Variants in CBX1 observed in about 807,000 individuals in gnomAD.
CBX1 encodes chromobox 1, also known as chromobox protein homolog 1.
CBX1 carries 10 observed loss-of-function variants against 25.1 expected under a neutral mutation model. The ratio of observed to expected loss-of-function variants is 0.40; its 90% CI spans 0.25 to 0.68. The LOEUF (loss-of-function observed/expected upper bound fraction) is 0.68. Among genes scored for constraint, CBX1 ranks in the 30% least tolerant of loss-of-function variants. The pLI is 0.40. For synonymous variants in CBX1, 63 were observed against 79.4 expected (o/e 0.79, Z 1.10); for missense variants, 106 against 218.5 (o/e 0.49, Z 3.25).
chr17:48,092,027 G>A (rs1397796027), intron 1 of CBX1, among the ~76,000 whole-genome samples: 32 of 99,290 alleles, frequency 3.2e-4, no homozygotes, highest in Non-Finnish European at 7.4e-5. Context: ...TTTCACTCTT[G>A]TCACCCAGGC....
intron 4 of CBX1, among the ~76,000 whole-genome samples, chr17:48,072,569 C>G (rs1200911034): frequency 6.6e-6 from 1 of 151,586 alleles, no homozygotes; most frequent in East Asian, 2.0e-4. Context: ...AGGTGGATCA[C>G]GAGGTCAGAT....
chr17:48,078,444 G>A (rs557791282), intron 1 of CBX1, among the ~76,000 whole-genome samples: 3 of 151,990 alleles, frequency 2.0e-5, no homozygotes, highest in South Asian at 2.1e-4. Context: ...CGCCTGCCTC[G>A]GCCTCCCAAA....
intron 1 of CBX1, among the ~76,000 whole-genome samples, chr17:48,081,224 C>T (rs948269389): frequency 2.0e-5 from 3 of 151,252 alleles, no homozygotes; most frequent in Non-Finnish European, 4.4e-5. Flanking sequence ...AAAAATAAAA[C>T]AGCACTGACT....
chr17:48,093,070 CAAAAAAAAAAAAA>C (rs748778471), intron 1 of CBX1, among the ~76,000 whole-genome samples: 1 of 8,746 alleles, frequency 1.1e-4, no homozygotes. Flanking sequence ...AACTCTGTCT[CAAAAAAAAAAAAA>C]AAAAAAGAAA....
At chr17:48,076,294 G>C (rs752021253) in intron 2 of CBX1, 116 bp from the exon 3 acceptor site, 150 of 743,786 alleles carry the variant, frequency 2.0e-4, no homozygotes, top group Non-Finnish European at 2.9e-4. Flanking sequence ...AATTCTTGGG[G>C]AATGGGGAAG....
chr17:48,071,945 C>T (rs1258857793), intron 4 of CBX1, among the ~76,000 whole-genome samples: 1 of 151,966 alleles, frequency 6.6e-6, no homozygotes, highest in Non-Finnish European at 1.5e-5. Context: ...CTCCAAAAGC[C>T]ATATCCCAGC....
At chr17:48,078,574 C>G (rs1279896703) in intron 1 of CBX1, among the ~76,000 whole-genome samples, 1 of 152,010 alleles carries the variant, frequency 6.6e-6, no homozygotes, top group African/African-American at 2.4e-5. Flanking sequence ...ACTGCAACCT[C>G]TGCCTCCCGG....
intron 4 of CBX1, among the ~76,000 whole-genome samples, 180 bp from the exon 5 acceptor site, chr17:48,071,759 T>A (rs964344446): frequency 6.6e-6 from 1 of 152,220 alleles, no homozygotes; most frequent in African/African-American, 2.4e-5. Context: ...TCCTCAGAGT[T>A]AACTCTCCTG....
At chr17:48,093,329 A>G (rs1159481615) in intron 1 of CBX1, among the ~76,000 whole-genome samples, 1 of 151,972 alleles carries the variant, frequency 6.6e-6, no homozygotes, top group Admixed American at 6.6e-5. Context: ...CTCGAAAAAA[A>G]TTTACAAAAA....
At chr17:48,099,956 C>T (rs1040226319) in intron 1 of CBX1, among the ~76,000 whole-genome samples, 1 of 151,546 alleles carries the variant, frequency 6.6e-6, no homozygotes, top group African/African-American at 2.4e-5. Flanking sequence ...GTGACCAGTA[C>T]GGTGAAACCC....
intron 1 of CBX1, among the ~76,000 whole-genome samples, chr17:48,087,884 AAAAAAAGAAAACAG>A (rs1567767869): frequency 6.6e-6 from 1 of 151,714 alleles, no homozygotes; most frequent in East Asian, 1.9e-4. Flanking sequence ...AAAAAAAAAA[AAAAAAAGAAAACAG>A]AAAAAAGAAG....
chr17:48,093,042 C>T (rs2063352209), intron 1 of CBX1, among the ~76,000 whole-genome samples: 1 of 148,096 alleles, frequency 6.8e-6, no homozygotes, highest in Admixed American at 6.8e-5. Flanking sequence ...TGCACTCCAG[C>T]CTGGGCAGCA....
rs746549679 is a variant in CBX1 at position 48,075,035 on chromosome 17, G to A, written c.384C>T (p.Ser128=). 6.2e-7 allele frequency: 1 copy of A among 1,613,738 alleles called. No individual in the cohort carries two copies. The highest frequency in any genetic ancestry group is 8.5e-7 in the Non-Finnish European group (1 of 1,179,674). The part of the protein sequence containing the change: ...EPERIIGATD[S]SGELMFLMKW... ...TCATCAGGAACATGAGCTCTCCACTGGAGTCTGTAGCTCCAATAATCCGCT... is the reference window on the plus strand; with the variant it reads ...TCATCAGGAACATGAGCTCTCCACTAGAGTCTGTAGCTCCAATAATCCGCT... The change falls in exon 4 of 5, where the codon TCC becomes TCT. Residue 128 remains serine (S), a synonymous_variant. Coordinates refer to ENST00000225603, the MANE Select transcript of CBX1 (RefSeq NM_001127228.2).
chr17:48,071,995 ATTTTT>A (rs5820681), intron 4 of CBX1, among the ~76,000 whole-genome samples: 3 of 121,374 alleles, frequency 2.5e-5, no homozygotes, highest in Admixed American at 1.7e-4. Context: ...TTGTAATAGG[ATTTTT>A]TTTTTTTTTT....
chr17:48,099,417 T>C (rs2063395175), intron 1 of CBX1, among the ~76,000 whole-genome samples: 1 of 152,168 alleles, frequency 6.6e-6, no homozygotes, highest in Admixed American at 6.6e-5. Context: ...CTATTTATTT[T>C]TTTAATGAGA....
chr17:48,096,749 G>A (rs1268797214), intron 1 of CBX1, among the ~76,000 whole-genome samples: 2 of 151,910 alleles, frequency 1.3e-5, no homozygotes, highest in East Asian at 1.9e-4. Flanking sequence ...CTGCACTCCA[G>A]CCTGGGTGAC....
intron 3 of CBX1, among the ~76,000 whole-genome samples, chr17:48,075,404 A>G (rs2037665654): frequency 6.6e-6 from 1 of 152,144 alleles, no homozygotes; most frequent in Non-Finnish European, 1.5e-5. Flanking sequence ...CGTGTTAGTC[A>G]GGATGGTCTT....
At chr17:48,092,795 G>T (rs1269971687) in intron 1 of CBX1, among the ~76,000 whole-genome samples, 1 of 152,010 alleles carries the variant, frequency 6.6e-6, no homozygotes, top group Non-Finnish European at 1.5e-5. Context: ...ATTAGGCCGG[G>T]CATGGTGGCT....
rs1459053310 is a variant in CBX1, at chr17:48,071,225, T to C, written c.*210A>G. 1.2e-5 allele frequency: 5 copies of C among 422,498 alleles called. No homozygotes were observed. Among genetic ancestry groups the C allele is most frequent in the Non-Finnish European group, 2.1e-5 (5 of 240,318 alleles). The allele number at this position is 422,498 out of a possible 1,614,324, so 26.2% of individuals were successfully genotyped here. A position where few individuals can be genotyped will look rare whatever the true frequency, so the allele number is the denominator to read the frequency against. ...AGAAAAGGTTGCCTTGAAACACTTA[T>C]CCCCTTTCCCCTCCACTGGGATGGG... is the stretch of plus-strand genomic sequence containing the variant. On this transcript the variant is annotated 3_prime_UTR_variant, in exon 5 of 5. Transcript: ENST00000225603.
Sources: allele counts gnomAD v4.1 joint callset (sites outside exome capture counted in the v4.1 genomes callset), GRCh38; gene constraint gnomAD v4.1.1; transcripts MANE v1.5; gene names NCBI Gene and HGNC (gene_info 2026-07-23, HGNC 2026-07-21).